SESN1: variants seen among roughly 807,000 people sequenced by gnomAD.
The protein encoded by SESN1 is sestrin 1.
Under a neutral mutation model 59.3 loss-of-function variants are expected in SESN1, and 30 were observed. That is an observed-to-expected ratio of 0.51 (90% confidence interval 0.38 to 0.69). The LOEUF is 0.69. Ranked by LOEUF, SESN1 falls within the 30% of genes least tolerant of loss-of-function variation. The pLI is 0.00. For missense variants in SESN1, 566 were observed against 673.0 expected, an observed-to-expected ratio of 0.84 and a Z score of 1.76; for synonymous variants, 197 against 219.9, an observed-to-expected ratio of 0.90 and a Z score of 0.92.
intron 1 of SESN1, among the ~76,000 whole-genome samples, chr6:109,032,628 T>TG (rs1780200458): frequency 7.2e-6 from 1 of 139,492 alleles, no homozygotes; most frequent in Non-Finnish European, 1.5e-5. Flanking sequence ...GTGGGGGGAG[T>TG]GGGGGGGAAG....
intron 3 of SESN1, 76 bp downstream of exon 3, chr6:109,001,212 G>T: frequency 8.1e-7 from 1 of 1,227,826 alleles, no homozygotes; most frequent in Non-Finnish European, 1.2e-6. Flanking sequence ...TTATCCCTGT[G>T]TTTAAAGCAT....
chr6:108,996,451 A>C (rs1779503578), intron 5 of SESN1, among the ~76,000 whole-genome samples: 1 of 152,170 alleles, frequency 6.6e-6, no homozygotes, highest in Admixed American at 6.5e-5. Flanking sequence ...TCAAAGTTTA[A>C]AAAAGATCTC....
chr6:109,057,974 T>C (rs1156335828), intron 1 of SESN1, among the ~76,000 whole-genome samples: 1 of 152,046 alleles, frequency 6.6e-6, no homozygotes, highest in Non-Finnish European at 1.5e-5. Context: ...ATGTAACACA[T>C]AATGATGTTT....
chr6:109,028,839 A>G (rs1358934486), intron 1 of SESN1, among the ~76,000 whole-genome samples: 1 of 152,172 alleles, frequency 6.6e-6, no homozygotes, highest in Non-Finnish European at 1.5e-5. Flanking sequence ...AGAAAAGAAC[A>G]ACCCCCAAAC....
intron 1 of SESN1, among the ~76,000 whole-genome samples, chr6:109,003,215 T>C (rs538247580): frequency 3.3e-5 from 5 of 151,628 alleles, no homozygotes; most frequent in Admixed American, 2.6e-4. Context: ...CATTTAAAAA[T>C]TTTTTTTAGA....
intron 1 of SESN1, among the ~76,000 whole-genome samples, chr6:109,091,826 T>C (rs1323617290): frequency 2.6e-5 from 4 of 152,232 alleles, no homozygotes; most frequent in South Asian, 2.1e-4. Flanking sequence ...CATAAATGAA[T>C]GATGCTGGGG....
At chr6:109,076,179 T>A (rs1406346521) in intron 1 of SESN1, among the ~76,000 whole-genome samples, 2 of 152,248 alleles carry the variant, frequency 1.3e-5, no homozygotes, top group African/African-American at 4.8e-5. Flanking sequence ...GTATCACTAA[T>A]TGTACTGTGG....
intron 1 of SESN1, among the ~76,000 whole-genome samples, chr6:109,019,355 G>A (rs7757845): frequency 0.072 from 10,913 of 152,170 alleles, 884 homozygotes; most frequent in African/African-American, 0.2. Flanking sequence ...AATTTCAACT[G>A]GTTCCAGCAG....
intron 1 of SESN1, among the ~76,000 whole-genome samples, chr6:109,018,203 A>T (rs939851567): frequency 3.9e-5 from 6 of 152,198 alleles, no homozygotes; most frequent in African/African-American, 1.4e-4. Flanking sequence ...ATTAGATTTG[A>T]ACTTTGTTTT....
chr6:109,081,173 C>A (rs1331476601), intron 1 of SESN1, among the ~76,000 whole-genome samples: 1 of 152,152 alleles, frequency 6.6e-6, no homozygotes, highest in Non-Finnish European at 1.5e-5. Flanking sequence ...CCTTGACCTC[C>A]TGGGCTCAAG....
At chr6:108,991,977 C>T (rs1358712517) in intron 7 of SESN1, among the ~76,000 whole-genome samples, 1 of 152,220 alleles carries the variant, frequency 6.6e-6, no homozygotes, top group African/African-American at 2.4e-5. Context: ...TTTTCACCAT[C>T]CAAATTCTTC....
intron 1 of SESN1, among the ~76,000 whole-genome samples, chr6:109,023,482 AGTGGAT>A (rs1481964956): frequency 5.3e-5 from 8 of 152,370 alleles, no homozygotes; most frequent in African/African-American, 1.9e-4. Context: ...AAATAATGTT[AGTGGAT>A]GTGCCTATGT....
intron 5 of SESN1, 97 bp downstream of exon 5, chr6:108,998,416 A>C (rs1779543246): frequency 1.4e-6 from 2 of 1,459,720 alleles, no homozygotes; most frequent in Non-Finnish European, 9.4e-7. Context: ...CCACAGTCTT[A>C]ACAGGGTGGG....
At chr6:109,000,402 C>G in intron 4 of SESN1, 89 bp downstream of exon 4, 2 of 1,004,516 alleles carry the variant, frequency 2.0e-6, no homozygotes, top group Non-Finnish European at 2.8e-6. Flanking sequence ...TAGGAACTCT[C>G]TGTACTTTCT....
Position 108,985,884 on chromosome 6 carries a change from T to G in SESN1, c.*1660A>C, listed in dbSNP as rs1324859105. ...TAAGTTTCTTTAAATATAAAACATATTGAAGATAATAATACTCTATTCCTA... is the reference window on the plus strand; with the variant it reads ...TAAGTTTCTTTAAATATAAAACATAGTGAAGATAATAATACTCTATTCCTA... On this transcript the variant is annotated 3_prime_UTR_variant, in exon 10 of 10. Coordinates refer to ENST00000436639, the MANE Select transcript of SESN1 (RefSeq NM_014454.3). Among the ~76,000 whole-genome samples, 1 of 152,170 alleles carries G rather than the reference T, an allele frequency of 6.6e-6. No individual in the cohort carries two copies. Among genetic ancestry groups the G allele is most frequent in the African/African-American group, 2.4e-5 (1 of 41,440 alleles).
At chr6:108,988,881 G>C (rs1779278084) in intron 8 of SESN1, among the ~76,000 whole-genome samples, 194 bp from the exon 9 acceptor site, 1 of 152,146 alleles carries the variant, frequency 6.6e-6, no homozygotes, top group African/African-American at 2.4e-5. Flanking sequence ...AGTACTTAGG[G>C]AGACTAACAT....
At chr6:109,048,857 A>G (rs944681276) in intron 1 of SESN1, among the ~76,000 whole-genome samples, 2 of 152,212 alleles carry the variant, frequency 1.3e-5, no homozygotes, top group African/African-American at 4.8e-5. Flanking sequence ...CATATATCAC[A>G]GGCTGTAATC....
intron 1 of SESN1, among the ~76,000 whole-genome samples, chr6:109,013,801 C>T (rs1249198544): frequency 6.6e-6 from 1 of 152,120 alleles, no homozygotes; most frequent in Non-Finnish European, 1.5e-5. Flanking sequence ...TCATTTAAAA[C>T]GTTTCATTTA....
At chr6:109,025,788 G>T (rs1363917026) in intron 1 of SESN1, among the ~76,000 whole-genome samples, 1 of 151,704 alleles carries the variant, frequency 6.6e-6, no homozygotes, top group African/African-American at 2.4e-5. Context: ...ATACAGCAAA[G>T]AAATGAAATT....
Sources: allele counts gnomAD v4.1 joint callset (sites outside exome capture counted in the v4.1 genomes callset), GRCh38; gene constraint gnomAD v4.1.1; transcripts MANE v1.5; gene names NCBI Gene and HGNC (gene_info 2026-07-23, HGNC 2026-07-21).